The following ESRP1 variants were observed in gnomAD, a reference collection of about 807,000 sequenced individuals.
ESRP1 encodes the protein RNA-binding motif protein 35A.
In ESRP1, 33 loss-of-function variants were observed where a neutral mutation model predicts 81.7. That is an observed-to-expected ratio of 0.40 (90% CI 0.31 to 0.54). ESRP1 has a LOEUF of 0.54. Among genes scored for constraint, ESRP1 ranks in the 20% least tolerant of loss-of-function variants. The pLI, the probability that ESRP1 is intolerant of heterozygous loss-of-function variation, is 0.41. For missense variants in ESRP1, 672 were observed against 833.1 expected (o/e 0.81, Z 2.38); for synonymous variants, 320 against 303.3 (o/e 1.06, Z -0.57).
chr8:94,653,193 G>A (rs1241333604), intron 4 of ESRP1, among the ~76,000 whole-genome samples: 2 of 152,050 alleles, frequency 1.3e-5, no homozygotes, highest in African/African-American at 2.4e-5. Context: ...GGTTATTAGG[G>A]TGTGTATATT....
intron 14 of ESRP1, among the ~76,000 whole-genome samples, chr8:94,696,134 A>C (rs1014048846): frequency 6.6e-6 from 1 of 152,246 alleles, no homozygotes; most frequent in South Asian, 2.1e-4. Flanking sequence ...AGCCACAAAG[A>C]CCAAGGATTT....
intron 13 of ESRP1, 39 bp downstream of exon 13, chr8:94,678,410 A>C: frequency 6.3e-7 from 1 of 1,597,334 alleles, no homozygotes; most frequent in Non-Finnish European, 8.5e-7. Flanking sequence ...GGGCAGAAAC[A>C]AAGGACTCCT....
chr8:94,700,211 C>G (rs940852925), intron 15 of ESRP1, among the ~76,000 whole-genome samples: 1 of 152,152 alleles, frequency 6.6e-6, no homozygotes, highest in Non-Finnish European at 1.5e-5. Context: ...TGGTGGCTAC[C>G]GAGATACGTC....
chr8:94,643,952 A>G (rs1817730315), intron 3 of ESRP1, among the ~76,000 whole-genome samples: 2 of 152,234 alleles, frequency 1.3e-5, no homozygotes, highest in African/African-American at 4.8e-5. Flanking sequence ...CTTAAATAAG[A>G]TAACCTTATA....
At chr8:94,674,639 A>C in intron 12 of ESRP1, 133 bp downstream of exon 12, 1 of 710,300 alleles carries the variant, frequency 1.4e-6, no homozygotes, top group Non-Finnish European at 2.3e-6. Context: ...TCCCATCTGT[A>C]ATCAGTAGTA....
Position 94,674,296 on chromosome 8 carries a change from C to CCA in ESRP1, c.1453-6_1453-5dup, listed in dbSNP as rs1563534929. 6.2e-7 allele frequency: 1 copy of CCA among 1,609,896 alleles called. No homozygotes were observed. Among genetic ancestry groups the CCA allele is most frequent in the South Asian group, 1.1e-5 (1 of 90,452 alleles). ...GTCTCCTTTTGTTTTTATTCTTCCC[C>CCA]CACACACTCAGGGCCGCCCATCAGG... On this transcript the variant is annotated splice_polypyrimidine_tract_variant and intron_variant, in intron 11 of 15. Coordinates refer to ENST00000433389, the MANE Select transcript of ESRP1 (RefSeq NM_017697.4).
Position 94,685,497 on chromosome 8 carries a change from G to C in ESRP1, c.1820+7126G>C, listed in dbSNP as rs565191323. 5.3e-5 allele frequency among the ~76,000 whole-genome samples: 8 copies of C among 152,202 alleles called. No individual in the cohort carries two copies. In the East Asian group the frequency reaches 1.5e-3, roughly 29 times the overall value. On this transcript the variant is annotated intron_variant, in intron 13 of 15. Transcript: ENST00000433389. ...TGCACTCTAGTCTGGTTGACAGTGA[G>C]ACCCTGTCTCAGAAAACAAAACAAT... is the stretch of plus-strand genomic sequence containing the variant.
intron 4 of ESRP1, among the ~76,000 whole-genome samples, chr8:94,656,913 G>A (rs1240708844): frequency 3.3e-5 from 5 of 152,170 alleles, no homozygotes; most frequent in Non-Finnish European, 7.3e-5. Flanking sequence ...CCATTTTTAG[G>A]TAATTGGGAA....
chr8:94,641,712 C>T (rs1244956521), intron 1 of ESRP1: 4 of 745,300 alleles, frequency 5.4e-6, no homozygotes, highest in South Asian at 2.2e-5. Flanking sequence ...GGGGGACGCT[C>T]CGCCGAGACG....
At chr8:94,670,003 T>C (rs1322601548) in intron 10 of ESRP1, among the ~76,000 whole-genome samples, 2 of 152,154 alleles carry the variant, frequency 1.3e-5, no homozygotes, top group Admixed American at 6.5e-5. Flanking sequence ...CTCGATGTGG[T>C]TGCAGATCTT....
chr8:94,657,777 T>C lies in ESRP1; in HGVS notation c.491-4495T>C, dbSNP rs573901509. The stretch of plus-strand genomic sequence containing the variant: ...ATTTTTACTTTTGATCTCTGTCTTC[T>C]TCAGTTGGCTTTTATCTATGAATTT... On this transcript the variant is annotated intron_variant, in intron 4 of 15. Coordinates refer to ENST00000433389, the MANE Select transcript of ESRP1 (RefSeq NM_017697.4). 3.3e-5 allele frequency among the ~76,000 whole-genome samples: 5 copies of C among 152,346 alleles called. No homozygotes were observed. The East Asian group carries it at 7.7e-4, about 23-fold the overall frequency.
chr8:94,700,936 AATGTGTGTGTGTGTGT>A (rs1292749068), intron 15 of ESRP1, among the ~76,000 whole-genome samples: 7 of 128,160 alleles, frequency 5.5e-5, no homozygotes, highest in East Asian at 2.2e-4. Context: ...CTCAAAAAAA[AATGTGTGTGTGTGTGT>A]ATGTGTGTGT....
chr8:94,679,502 A>G (rs1024805899), intron 13 of ESRP1, among the ~76,000 whole-genome samples: 2 of 152,210 alleles, frequency 1.3e-5, no homozygotes, highest in East Asian at 1.9e-4. Context: ...TAATTGTAGA[A>G]TATCCACTTC....
chr8:94,704,848 AG>A (rs1810001226), intron 15 of ESRP1, among the ~76,000 whole-genome samples: 3 of 149,190 alleles, frequency 2.0e-5, no homozygotes. Context: ...TGGGTGATGG[AG>A]CTAGACCCTG....
chr8:94,700,822 G>A (rs945720472), intron 15 of ESRP1, among the ~76,000 whole-genome samples: 3 of 151,050 alleles, frequency 2.0e-5, no homozygotes, highest in Non-Finnish European at 3.0e-5. Flanking sequence ...CCAGCTACTC[G>A]GGAGGCTGGG....
intron 13 of ESRP1, among the ~76,000 whole-genome samples, chr8:94,690,847 G>C (rs1244348007): frequency 2.6e-5 from 4 of 152,182 alleles, no homozygotes; most frequent in Admixed American, 2.6e-4. Flanking sequence ...ATGTGCAGAA[G>C]TCCCGATGGT....
intron 13 of ESRP1, among the ~76,000 whole-genome samples, chr8:94,685,106 C>T (rs1336440124): frequency 6.6e-6 from 1 of 151,456 alleles, no homozygotes; most frequent in Non-Finnish European, 1.5e-5. Flanking sequence ...TTCTGACTAC[C>T]TTTATTTTAG....
rs143840794 is a variant in ESRP1 at position 94,695,128 on chromosome 8, T to A, written c.1972-1724T>A. On this transcript the variant is annotated intron_variant, in intron 14 of 15. Transcript: ENST00000433389. ...CTATGGGGTTCCATCTTCTTTAGAT[T>A]TGGCAACCAAGATGATAAAATCAGT... Among the ~76,000 whole-genome samples, 27 of 152,264 alleles carry A rather than the reference T, an allele frequency of 1.8e-4. No individual in the cohort carries two copies. The East Asian group carries it at 5.2e-3, about 29-fold the overall frequency.
chr8:94,641,288 A>AC lies in ESRP1; in HGVS notation c.-24dup, dbSNP rs748556062. The AC allele has an allele frequency of 4.0e-5, 41 of 1,030,252 alleles. No individual in the cohort carries two copies. The highest frequency in any genetic ancestry group is 4.1e-5 in the Non-Finnish European group (28 of 679,848). The allele number at this position is 1,030,252 out of a possible 1,614,324, so 63.8% of individuals were successfully genotyped here. A position where few individuals can be genotyped will look rare whatever the true frequency, so the allele number is the denominator to read the frequency against. Reference sequence around the variant, plus strand: ...TTCCACACCACCTTACCGCCTCCCGACCCCCCCTCTCCCCCTCCCCACCTA... The same window carrying AC: ...TTCCACACCACCTTACCGCCTCCCGACCCCCCCCTCTCCCCCTCCCCACCTA... On this transcript the variant is annotated 5_prime_UTR_variant, in exon 1 of 16. Coordinates refer to ENST00000433389, the MANE Select transcript of ESRP1 (RefSeq NM_017697.4).
Sources: allele counts gnomAD v4.1 joint callset (sites outside exome capture counted in the v4.1 genomes callset), GRCh38; gene constraint gnomAD v4.1.1; transcripts MANE v1.5; gene names NCBI Gene and HGNC (gene_info 2026-07-23, HGNC 2026-07-21).